The following GBE1 variants were observed in gnomAD, a reference collection of about 807,000 sequenced individuals.
The protein encoded by GBE1 is 1,4-alpha-glucan branching enzyme 1.
A neutral mutation model predicts 88.8 loss-of-function variants in GBE1; 70 were observed. The ratio of observed to expected loss-of-function variants is 0.79; its 90% CI spans 0.65 to 0.96. GBE1 has a LOEUF of 0.96. Among genes scored for constraint, GBE1 ranks in the 40% least tolerant of loss-of-function variants. GBE1 has a pLI of 0.00. For missense variants in GBE1, 872 were observed against 871.0 expected (o/e 1.00, Z -0.01); for synonymous variants, 284 against 300.1 (o/e 0.95, Z 0.56).
At chr3:81,564,975 A>G (rs1479098828) in intron 12 of GBE1, among the ~76,000 whole-genome samples, 1 of 152,154 alleles carries the variant, frequency 6.6e-6, no homozygotes, top group Admixed American at 6.6e-5. Context: ...TTGGGCTTCA[A>G]TATGTTAAAG....
intron 1 of GBE1, among the ~76,000 whole-genome samples, chr3:81,744,472 C>A (rs951507081): frequency 1.3e-5 from 2 of 152,048 alleles, no homozygotes; most frequent in African/African-American, 4.8e-5. Flanking sequence ...TCAGGAGGAG[C>A]ATGAGCATTC....
At chr3:81,662,761 A>G (rs1705048884) in intron 3 of GBE1, among the ~76,000 whole-genome samples, 1 of 151,640 alleles carries the variant, frequency 6.6e-6, no homozygotes, top group Admixed American at 6.6e-5. Flanking sequence ...CATAATTTTT[A>G]TTTTAAAATT....
chr3:81,739,344 T>G (rs367692836), intron 1 of GBE1, among the ~76,000 whole-genome samples: 1 of 150,602 alleles, frequency 6.6e-6, no homozygotes, highest in African/African-American at 2.5e-5. Flanking sequence ...TAAAGCAAAA[T>G]ATTTCATGTG....
intron 1 of GBE1, among the ~76,000 whole-genome samples, chr3:81,754,021 C>G (rs1706569364): frequency 6.6e-6 from 1 of 152,108 alleles, no homozygotes; most frequent in Non-Finnish European, 1.5e-5. Context: ...GCCAAATTAG[C>G]CTTGTTTGCA....
chr3:81,507,786 T>C (rs920219304), intron 14 of GBE1, among the ~76,000 whole-genome samples: 1 of 152,118 alleles, frequency 6.6e-6, no homozygotes, highest in Non-Finnish European at 1.5e-5. Context: ...TGCATTCAAA[T>C]GTGTGAACAC....
chr3:81,654,937 T>A (rs1434105976), intron 3 of GBE1: 2 of 152,186 alleles, frequency 1.3e-5, no homozygotes, highest in Admixed American at 1.3e-4. Flanking sequence ...GATGAGATGA[T>A]GGCCACAGAG....
intron 2 of GBE1, 45 bp downstream of exon 2, chr3:81,705,399 G>T (rs756541485): frequency 8.4e-6 from 11 of 1,303,792 alleles, no homozygotes; most frequent in Non-Finnish European, 9.4e-6. Context: ...GTATTAAATA[G>T]TTAATAAGAT....
chr3:81,506,122 C>A (rs1399197742), intron 14 of GBE1, among the ~76,000 whole-genome samples: 2 of 152,054 alleles, frequency 1.3e-5, no homozygotes, highest in Non-Finnish European at 2.9e-5. Context: ...GGTAAATGGA[C>A]AACCTACAGA....
chr3:81,734,412 G>C (rs1382539894), intron 1 of GBE1, among the ~76,000 whole-genome samples: 1 of 150,010 alleles, frequency 6.7e-6, no homozygotes, highest in Non-Finnish European at 1.5e-5. Context: ...AAGTCATTTG[G>C]GGAAAAAAAC....
chr3:81,657,146 AAAC>A (rs1404248750), intron 3 of GBE1, among the ~76,000 whole-genome samples: 1 of 150,568 alleles, frequency 6.6e-6, no homozygotes. Flanking sequence ...AAAAAAAAAA[AAAC>A]AAAACAAAAA....
chr3:81,532,807 G>A (rs779779696), intron 14 of GBE1, among the ~76,000 whole-genome samples: 59 of 151,916 alleles, frequency 3.9e-4, no homozygotes, highest in Non-Finnish European at 7.4e-4. Context: ...CCATTGTACT[G>A]TCCATTATCT....
intron 7 of GBE1, among the ~76,000 whole-genome samples, chr3:81,604,243 C>T (rs1394548061): frequency 6.6e-6 from 1 of 150,382 alleles, no homozygotes. Context: ...ACATAGAAAG[C>T]TAAGACATTC....
chr3:81,733,173 T>A lies in GBE1; in HGVS notation c.144-27560A>T, dbSNP rs558270184. On this transcript the variant is annotated intron_variant, in intron 1 of 15. Transcript: ENST00000429644. This position sits in a 1 kb window ranked among gnomAD's most constrained non-coding sequence, Gnocchi z 4.0. ...GTGGCATTAGATTCCCATAGCAGAA[T>A]CTAACAGGGTTCACATAGAACCCTA... Among the ~76,000 whole-genome samples the A allele has an allele frequency of 2.4e-3, 363 of 152,164 alleles. 5 individuals carry two copies. Among genetic ancestry groups the A allele is most frequent in the African/African-American group, 8.4e-3 (348 of 41,532 alleles).
At chr3:81,710,490 T>C (rs1705848237) in intron 1 of GBE1, among the ~76,000 whole-genome samples, 1 of 151,982 alleles carries the variant, frequency 6.6e-6, no homozygotes, top group South Asian at 2.1e-4. Context: ...CAGGGGTAGC[T>C]GATATTAGCT....
intron 2 of GBE1, among the ~76,000 whole-genome samples, chr3:81,700,311 A>C (rs779237685): frequency 6.6e-6 from 1 of 152,178 alleles, no homozygotes; most frequent in African/African-American, 2.4e-5. Flanking sequence ...ACCAGTAAAA[A>C]ATGATCGCTA....
At chr3:81,520,390 T>C (rs561498032) in intron 14 of GBE1, among the ~76,000 whole-genome samples, 1 of 151,626 alleles carries the variant, frequency 6.6e-6, no homozygotes, top group East Asian at 1.9e-4. Flanking sequence ...GATTAGCAAA[T>C]AGAAGGCCCA....
chr3:81,533,232 G>A (rs188164018), intron 14 of GBE1, among the ~76,000 whole-genome samples: 2 of 152,192 alleles, frequency 1.3e-5, no homozygotes, highest in South Asian at 2.1e-4. Flanking sequence ...GAAGGATCAC[G>A]CACAAATTGC....
At chr3:81,531,302 T>G (rs555463412) in intron 14 of GBE1, among the ~76,000 whole-genome samples, 18 of 152,122 alleles carry the variant, frequency 1.2e-4, no homozygotes, top group Admixed American at 1.1e-3. Context: ...TTTAGGAGTC[T>G]GCTTGGTGTT....
chr3:81,599,655 T>C (rs896952285), intron 7 of GBE1, among the ~76,000 whole-genome samples: 3 of 152,290 alleles, frequency 2.0e-5, no homozygotes, highest in African/African-American at 7.2e-5. Flanking sequence ...CCATCTTATA[T>C]GTGGTAGCTT....
Sources: allele counts gnomAD v4.1 joint callset (sites outside exome capture counted in the v4.1 genomes callset), GRCh38; gene constraint gnomAD v4.1.1; non-coding constraint Gnocchi (gnomAD v3.1); transcripts MANE v1.5; gene names NCBI Gene and HGNC (gene_info 2026-07-23, HGNC 2026-07-21).